The following FHAD1 variants were observed in gnomAD, a reference collection of about 807,000 sequenced individuals.
The protein encoded by FHAD1 is forkhead associated phosphopeptide binding domain 1, also known as forkhead-associated domain-containing protein 1.
A neutral mutation model predicts 191.3 loss-of-function variants in FHAD1; 146 were observed. That is an observed-to-expected ratio of 0.76 (90% CI 0.67 to 0.88). The LOEUF is 0.88. Ranked by LOEUF, FHAD1 falls within the 40% of genes least tolerant of loss-of-function variation. The pLI is 0.00. For synonymous variants in FHAD1, 616 were observed against 672.3 expected, an observed-to-expected ratio of 0.92 and a Z score of 1.29; for missense variants, 1,635 against 1,785.8, an observed-to-expected ratio of 0.92 and a Z score of 1.52.
chr1:15,240,973 A>AAAAGAAAG (rs1306632052), intron 1 of FHAD1, among the ~76,000 whole-genome samples: 4 of 77,816 alleles, frequency 5.1e-5, no homozygotes, highest in African/African-American at 1.5e-4. Context: ...AAAAAAAAAA[A>AAAAGAAAG]AAAGAAAGAA....
rs1658562467 is a variant in FHAD1, at chr1:15,276,851, A to G, written c.300+4322A>G. The stretch of plus-strand genomic sequence containing the variant: ...TTGCACAACTCCAGTCACCATTCAC[A>G]GTAGAGTCCACAAAGATGGCACCCC... On this transcript the variant is annotated intron_variant, in intron 3 of 33. Coordinates refer to ENST00000688493, the MANE Select transcript of FHAD1 (RefSeq NM_001391957.1). The surrounding 1 kb of genome is among the most constrained non-coding windows in gnomAD (Gnocchi z 4.7). Among the ~76,000 whole-genome samples the G allele has an allele frequency of 6.6e-6, 1 of 151,762 alleles. No homozygotes were observed. Among genetic ancestry groups the G allele is most frequent in the South Asian group, 2.1e-4 (1 of 4,808 alleles).
intron 16 of FHAD1, 106 bp from the exon 17 acceptor site, chr1:15,344,977 A>T: frequency 1.2e-6 from 1 of 834,404 alleles, no homozygotes. Context: ...CAGCCTCCCC[A>T]GGGGAGTGCG....
At chr1:15,350,880 C>A (rs554516546) in intron 19 of FHAD1, among the ~76,000 whole-genome samples, 56 of 152,254 alleles carry the variant, frequency 3.7e-4, no homozygotes, top group African/African-American at 1.2e-3. Context: ...GAAGTGAGGT[C>A]AGAGTCCAGG....
chr1:15,386,262 C>T (rs550622440), intron 31 of FHAD1, among the ~76,000 whole-genome samples: 3 of 152,308 alleles, frequency 2.0e-5, no homozygotes, highest in African/African-American at 4.8e-5. Flanking sequence ...AAAGGCCACT[C>T]GGGGGCGGGG....
chr1:15,374,859 TG>T (rs201683822), intron 27 of FHAD1, among the ~76,000 whole-genome samples: 11,149 of 129,196 alleles, frequency 0.086, 1,003 homozygotes, highest in African/African-American at 0.24. Flanking sequence ...TTTTTTTTTT[TG>T]TTTGTTTTTT....
chr1:15,328,193 C>G, intron 12 of FHAD1, 84 bp from the exon 13 acceptor site: 1 of 1,143,988 alleles, frequency 8.7e-7, no homozygotes. Context: ...CATCTCTCCC[C>G]TCTCCCATTC....
chr1:15,321,344 A>G (rs766058602), intron 10 of FHAD1, among the ~76,000 whole-genome samples: 1 of 152,222 alleles, frequency 6.6e-6, no homozygotes, highest in Non-Finnish European at 1.5e-5. Context: ...TGACTTATCA[A>G]AATCTAATAT....
chr1:15,324,759 G>C (rs1050205214), intron 11 of FHAD1, 200 bp downstream of exon 11: 2 of 584,714 alleles, frequency 3.4e-6, no homozygotes, highest in Non-Finnish European at 6.1e-6. Flanking sequence ...CTGCTGGGAG[G>C]CCTCCCACTC....
chr1:15,302,069 T>C (rs1031062061), intron 6 of FHAD1, among the ~76,000 whole-genome samples: 3 of 152,156 alleles, frequency 2.0e-5, no homozygotes, highest in Non-Finnish European at 4.4e-5. Flanking sequence ...CAGGAACTGC[T>C]TACAGCTTGC....
intron 7 of FHAD1, 45 bp downstream of exon 7, chr1:15,308,781 G>A (rs575919945): frequency 4.3e-5 from 66 of 1,549,652 alleles, no homozygotes; most frequent in East Asian, 3.9e-4. Context: ...TCCCGCACCC[G>A]TTGTTCTTGG....
intron 2 of FHAD1, among the ~76,000 whole-genome samples, chr1:15,259,649 C>T (rs6702026): frequency 1.3e-5 from 2 of 152,042 alleles, no homozygotes; most frequent in Non-Finnish European, 2.9e-5. Flanking sequence ...TGATCCTCAT[C>T]GATGCAACAA....
At chr1:15,250,032 C>G (rs1187608328) in intron 1 of FHAD1, among the ~76,000 whole-genome samples, 1 of 152,172 alleles carries the variant, frequency 6.6e-6, no homozygotes. Context: ...CTGGCACTTA[C>G]TAAGGACTCC....
intron 6 of FHAD1, among the ~76,000 whole-genome samples, chr1:15,304,872 A>G (rs574010424): frequency 2.0e-4 from 30 of 152,110 alleles, no homozygotes; most frequent in Non-Finnish European, 3.4e-4. Flanking sequence ...CATAGCCACA[A>G]GGTTTTCAGG....
At chr1:15,331,122 T>A (rs909986907) in intron 14 of FHAD1, among the ~76,000 whole-genome samples, 1 of 152,074 alleles carries the variant, frequency 6.6e-6, no homozygotes, top group African/African-American at 2.4e-5. Flanking sequence ...GGATGTGATT[T>A]CTTTGCTAAA....
chr1:15,375,787 G>A, intron 28 of FHAD1, 57 bp downstream of exon 28: 1 of 1,477,068 alleles, frequency 6.8e-7, no homozygotes, highest in Non-Finnish European at 9.0e-7. Context: ...GGGGCCTGAG[G>A]GCAGACACTA....
intron 2 of FHAD1, among the ~76,000 whole-genome samples, chr1:15,270,816 C>T (rs926311700): frequency 4.1e-5 from 6 of 145,362 alleles, no homozygotes; most frequent in South Asian, 2.2e-4. Flanking sequence ...CTGGGGCGTG[C>T]GGATCATGAG....
chr1:15,279,464 C>T (rs74226856), intron 3 of FHAD1, among the ~76,000 whole-genome samples: 1 of 11,816 alleles, frequency 8.5e-5, no homozygotes, highest in African/African-American at 3.3e-4. Context: ...GGCTTTGGAG[C>T]CCCCCCTCCC....
rs992977889 is a variant in FHAD1, at chr1:15,385,119, G to T, written c.4188+2926G>T. ...AAACTCCTGTTTGTCAAGGGAAAAA[G>T]GGGGAAAATCTTTTTTTTTTTTTTT... is the stretch of plus-strand genomic sequence containing the variant. On this transcript the variant is annotated intron_variant, in intron 31 of 33. Coordinates refer to ENST00000688493, the MANE Select transcript of FHAD1 (RefSeq NM_001391957.1). Among the ~76,000 whole-genome samples the T allele has an allele frequency of 4.5e-5, 3 of 67,124 alleles. No individual in the cohort carries two copies. The African/African-American group carries it at 4.9e-4, about 11-fold the overall frequency. 44.0% of individuals were successfully genotyped at this position (67,124 alleles called of 152,430 possible). A position where few individuals can be genotyped will look rare whatever the true frequency, so the allele number is the denominator to read the frequency against.
intron 1 of FHAD1, among the ~76,000 whole-genome samples, chr1:15,248,181 T>G (rs1359565458): frequency 6.6e-6 from 1 of 152,170 alleles, no homozygotes; most frequent in Non-Finnish European, 1.5e-5. Flanking sequence ...CATTCATTCA[T>G]GATTTACTGA....
Sources: gnomAD v4.1 joint callset for allele counts (sites outside exome capture counted in the v4.1 genomes callset) on GRCh38, gnomAD v4.1.1 for gene constraint, Gnocchi (gnomAD v3.1) non-coding constraint, MANE v1.5 for transcripts, NCBI Gene and HGNC (gene_info 2026-07-23, HGNC 2026-07-21) for gene names.